Variants in ATRIP observed in about 807,000 individuals in gnomAD.
The protein encoded by ATRIP is ATR-interacting protein.
In ATRIP, 44 loss-of-function variants were observed where a neutral mutation model predicts 78.1. The observed-to-expected ratio is 0.56, with a 90% CI of 0.44 to 0.72. The LOEUF (loss-of-function observed/expected upper bound fraction) is 0.72, where lower values mean the gene tolerates loss of function less well. Among genes scored for constraint, ATRIP ranks in the 30% least tolerant of loss-of-function variants. ATRIP has a pLI of 0.00. For synonymous variants in ATRIP, 388 were observed against 408.9 expected (o/e 0.95, Z 0.62); for missense variants, 927 against 980.2 (o/e 0.95, Z 0.72).
intron 11 of ATRIP, 28 bp from the exon 12 acceptor site, chr3:48,464,803 G>A (rs2040225458): frequency 1.2e-6 from 2 of 1,601,768 alleles, no homozygotes; most frequent in South Asian, 2.2e-5. Context: ...GTGGCACCAG[G>A]CCTCAGTCTG....
chr3:48,464,680 A>G lies in ATRIP; in HGVS notation c.2055+18A>G, dbSNP rs200012829. ...ATGTGGAGGTGAGTGGGTAGGGGCCAACAGCTGGCAGCTCTGGTGGTAAGG... is the reference window on the plus strand; with the variant it reads ...ATGTGGAGGTGAGTGGGTAGGGGCCGACAGCTGGCAGCTCTGGTGGTAAGG... On this transcript the variant is annotated intron_variant, in intron 11 of 12. Transcript: ENST00000320211. 1.2e-6 allele frequency: 2 copies of G among 1,614,034 alleles called. No homozygotes were observed. The highest frequency in any genetic ancestry group is 1.7e-5 in the Admixed American group (1 of 60,018).
At chr3:48,461,485 A>G (rs1172517820) in intron 8 of ATRIP, 1 of 152,158 alleles carries the variant, frequency 6.6e-6, no homozygotes, top group African/African-American at 2.4e-5. Context: ...GGCTGAATAT[A>G]TCTTAAATCA....
At position 48,460,637 on chromosome 3, in the gene ATRIP, G is replaced by T. The variant is rs757534549; in HGVS notation, c.1583G>T (p.Gly528Val). 6.2e-7 allele frequency: 1 copy of T among 1,613,976 alleles called. No individual in the cohort carries two copies. The highest frequency in any genetic ancestry group is 1.3e-5 in the African/African-American group (1 of 74,908). Residue 528 changes from glycine to valine, a missense_variant, in exon 8 of 13, where the codon GGG becomes GTG. Transcript: ENST00000320211. ...GGAGATATGACCTCAGCCCTAAGGG[G>T]GGTTGCTGATGACCAAGGACAGCAC... is the stretch of plus-strand genomic sequence containing the variant. ...SDGDMTSALR[G>V]VADDQGQHPL...
chr3:48,467,485 A>G lies in ATRIP; in HGVS notation c.*1931A>G. 6.2e-7 allele frequency: 1 copy of G among 1,614,122 alleles called. No homozygotes were observed. The highest frequency in any genetic ancestry group is 8.5e-7 in the Non-Finnish European group (1 of 1,180,014). The stretch of plus-strand genomic sequence containing the variant: ...GGTACCAAGGATCTTCCTCCAGTGA[A>G]GGACCCTGGAGCCCTATCCAGGGAG... On this transcript the variant is annotated 3_prime_UTR_variant, in exon 13 of 13. Coordinates refer to ENST00000320211, the MANE Select transcript of ATRIP (RefSeq NM_130384.3).
At chr3:48,459,310 G>A (rs2040035441) in intron 5 of ATRIP, 49 bp from the exon 6 acceptor site, 7 of 1,482,964 alleles carry the variant, frequency 4.7e-6, no homozygotes, top group Non-Finnish European at 6.6e-6. Flanking sequence ...TTTCTAATAT[G>A]CCCATGCTTC....
Position 48,446,791 on chromosome 3 carries a change from T to G in ATRIP, c.-55T>G, listed in dbSNP as rs934428841. ...GGACGGTTGGTCCAGTTCTCCGGCC[T>G]GGCGGCAGGCAAGTCTAGCTCGGCG... On this transcript the variant is annotated 5_prime_UTR_variant, in exon 1 of 13. Transcript: ENST00000320211. 1 of 1,356,552 alleles carries G rather than the reference T, an allele frequency of 7.4e-7. No homozygotes were observed. The highest frequency in any genetic ancestry group is 9.5e-7 in the Non-Finnish European group (1 of 1,052,286). 84.0% of individuals were successfully genotyped at this position (1,356,552 alleles called of 1,614,324 possible). A position where few individuals can be genotyped will look rare whatever the true frequency, so the allele number is the denominator to read the frequency against.
intron 5 of ATRIP, 71 bp from the exon 6 acceptor site, chr3:48,459,288 T>C: frequency 7.8e-7 from 1 of 1,279,054 alleles, no homozygotes; most frequent in East Asian, 2.3e-5. Flanking sequence ...TTAAACTCAT[T>C]GCATGTAAAA....
intron 4 of ATRIP, among the ~76,000 whole-genome samples, chr3:48,455,162 G>A (rs975934505): frequency 6.6e-6 from 1 of 152,030 alleles, no homozygotes; most frequent in Non-Finnish European, 1.5e-5. Context: ...TGTGCCTGGC[G>A]CAGCCTGGAA....
chr3:48,465,347 T>C (rs2040250575), intron 12 of ATRIP, 140 bp from the exon 13 acceptor site: 1 of 931,730 alleles, frequency 1.1e-6, no homozygotes, highest in Admixed American at 2.6e-5. Flanking sequence ...TATCACTTTG[T>C]TTGCAGTAGC....
chr3:48,451,270 G>A (rs911118309), intron 2 of ATRIP, among the ~76,000 whole-genome samples: 3 of 151,522 alleles, frequency 2.0e-5, no homozygotes, highest in Non-Finnish European at 4.4e-5. Flanking sequence ...TGAGAGAATC[G>A]CTTGAACCCA....
chr3:48,466,308 C>T lies in ATRIP; in HGVS notation c.*754C>T, dbSNP rs1267181465. Reference sequence around the variant, plus strand: ...CTACTGCCTGCCTGCCTGCCTGCTACGGTGAGTGTGGCCCCCACAATGGGA... The same window carrying T: ...CTACTGCCTGCCTGCCTGCCTGCTATGGTGAGTGTGGCCCCCACAATGGGA... On this transcript the variant is annotated 3_prime_UTR_variant, in exon 13 of 13. Transcript: ENST00000320211. 7 of 751,076 alleles carry T rather than the reference C, an allele frequency of 9.3e-6. No individual in the cohort carries two copies. The highest frequency in any genetic ancestry group is 3.2e-5 in the South Asian group (2 of 62,274). The allele number at this position is 751,076 out of a possible 1,614,324, so 46.5% of individuals were successfully genotyped here.
Position 48,466,350 on chromosome 3 carries a change from G to C in ATRIP, c.*796G>C. Reference sequence around the variant, plus strand: ...ACAATGGGATGGCGCAGGGCAGGAGGGCCATGGGTTCCCCCACCCCAGACT... The same window carrying C: ...ACAATGGGATGGCGCAGGGCAGGAGCGCCATGGGTTCCCCCACCCCAGACT... On this transcript the variant is annotated 3_prime_UTR_variant, in exon 13 of 13. Transcript: ENST00000320211. 1 of 1,129,900 alleles carries C rather than the reference G, an allele frequency of 8.9e-7. No homozygotes were observed. The highest frequency in any genetic ancestry group is 1.3e-5 in the South Asian group (1 of 75,814). 70.0% of individuals were successfully genotyped at this position (1,129,900 alleles called of 1,614,324 possible).
At chr3:48,463,616 G>A in intron 8 of ATRIP, 129 bp from the exon 9 acceptor site, 34 of 1,323,870 alleles carry the variant, frequency 2.6e-5, no homozygotes, top group Non-Finnish European at 3.5e-5. Context: ...TGAAACCCAA[G>A]TCTGGCTGAA....
rs1560111377 is a variant in ATRIP at position 48,466,695 on chromosome 3, C to T, written c.*1141C>T. 6.2e-7 allele frequency: 1 copy of T among 1,614,122 alleles called. No individual in the cohort carries two copies. The highest frequency in any genetic ancestry group is 1.1e-5 in the South Asian group (1 of 91,078). ...CCTGCCCCCGGGGCCCATGCAGACCCTCATCTTTTTCGACATGGAGGCCAC... is the reference window on the plus strand; with the variant it reads ...CCTGCCCCCGGGGCCCATGCAGACCTTCATCTTTTTCGACATGGAGGCCAC... On this transcript the variant is annotated 3_prime_UTR_variant, in exon 13 of 13. Transcript: ENST00000320211.
rs1319770009 is a variant in ATRIP, at chr3:48,467,496, G to A, written c.*1942G>A. On this transcript the variant is annotated 3_prime_UTR_variant, in exon 13 of 13. Transcript: ENST00000320211. ...TCTTCCTCCAGTGAAGGACCCTGGA[G>A]CCCTATCCAGGGAGGGGCTGCTGGC... is the stretch of plus-strand genomic sequence containing the variant. 1.2e-6 allele frequency: 2 copies of A among 1,614,126 alleles called. No homozygotes were observed. The highest frequency in any genetic ancestry group is 1.1e-5 in the South Asian group (1 of 91,090).
At chr3:48,449,952 A>T (rs1394948125) in intron 1 of ATRIP, 85 bp from the exon 2 acceptor site, 2 of 1,447,630 alleles carry the variant, frequency 1.4e-6, no homozygotes, top group Non-Finnish European at 1.9e-6. Flanking sequence ...AAGAAAAAAA[A>T]AAAAAAAGTG....
chr3:48,457,075 A>T (rs906470770), intron 4 of ATRIP, among the ~76,000 whole-genome samples, 184 bp from the exon 5 acceptor site: 3 of 152,206 alleles, frequency 2.0e-5, no homozygotes, highest in Non-Finnish European at 2.9e-5. Context: ...TTTAAAAAGA[A>T]AAACAAATGC....
chr3:48,454,405 G>C lies in ATRIP; in HGVS notation c.658G>C (p.Val220Leu), dbSNP rs1324327050. 2 of 1,610,182 alleles carry C rather than the reference G, an allele frequency of 1.2e-6. No individual in the cohort carries two copies. Among genetic ancestry groups the C allele is most frequent in the African/African-American group, 2.7e-5 (2 of 74,814 alleles). ...AGCAAATAAACTGGCTGCTCCCTCT[G>C]TTTCCCATGTCAGGTAATGATGGTG... is the stretch of plus-strand genomic sequence containing the variant. ...ERANKLAAPS[V>L]SHVSPRKNPS... The change falls in exon 4 of 13, where the codon GTT (valine) becomes CTT (leucine). Residue 220 changes from valine (V) to leucine (L), a missense_variant. Coordinates refer to ENST00000320211, the MANE Select transcript of ATRIP (RefSeq NM_130384.3).
Position 48,457,242 on chromosome 3 carries a change from T to C in ATRIP, c.672-17T>C. The stretch of plus-strand genomic sequence containing the variant: ...TAGTAGAATCATTACTTTGCTTTCA[T>C]AGTTAACTTTTTCCAGTCCTAGGAA... On this transcript the variant is annotated splice_polypyrimidine_tract_variant and intron_variant, in intron 4 of 12. Coordinates refer to ENST00000320211, the MANE Select transcript of ATRIP (RefSeq NM_130384.3). The C allele has an allele frequency of 6.5e-7, 1 of 1,531,298 alleles. No homozygotes were observed. Among genetic ancestry groups the C allele is most frequent in the South Asian group, 1.3e-5 (1 of 76,732 alleles). The allele number at this position is 1,531,298 out of a possible 1,614,324, so 94.9% of individuals were successfully genotyped here.
Sources: gnomAD v4.1 joint callset for allele counts (sites outside exome capture counted in the v4.1 genomes callset) on GRCh38, gnomAD v4.1.1 for gene constraint, MANE v1.5 for transcripts, NCBI Gene and HGNC (gene_info 2026-07-23, HGNC 2026-07-21) for gene names.